TMCC3: variants seen among roughly 807,000 people sequenced by gnomAD.
TMCC3 encodes transmembrane and coiled-coil domain protein 3.
A neutral mutation model predicts 40.2 loss-of-function variants in TMCC3; 28 were observed. The ratio of observed to expected loss-of-function variants is 0.70; its 90% CI spans 0.52 to 0.95. The LOEUF (loss-of-function observed/expected upper bound fraction) is 0.95. TMCC3 is among the 40% of genes least tolerant of loss of function. TMCC3 has a pLI of 0.00. For synonymous variants in TMCC3, 255 were observed against 248.5 expected (o/e 1.03, Z -0.25); for missense variants, 554 against 615.2 (o/e 0.90, Z 1.05).
At chr12:94,587,121 G>C (rs916285117) in intron 1 of TMCC3, among the ~76,000 whole-genome samples, 2 of 152,218 alleles carry the variant, frequency 1.3e-5, no homozygotes, top group African/African-American at 4.8e-5. Flanking sequence ...GTTTAATCCA[G>C]ACTTGGCACT....
rs1373930795 is a variant in TMCC3 at position 94,632,165 on chromosome 12, A to G, written c.78+18188T>C. Among the ~76,000 whole-genome samples, 3 of 152,252 alleles carry G rather than the reference A, an allele frequency of 2.0e-5. No individual in the cohort carries two copies. In the East Asian group the frequency reaches 5.8e-4, roughly 29 times the overall value. On this transcript the variant is annotated intron_variant, in intron 1 of 3. Coordinates refer to ENST00000261226, the MANE Select transcript of TMCC3 (RefSeq NM_020698.4). ...GCTAAGCAGAGAGAAGGCTGACTAT[A>G]AAGAGGCGAAAGAGAACTTTCCGGG...
At chr12:94,636,374 T>C (rs2068960987) in intron 1 of TMCC3, among the ~76,000 whole-genome samples, 1 of 151,544 alleles carries the variant, frequency 6.6e-6, no homozygotes, top group African/African-American at 2.4e-5. Flanking sequence ...GATTTCTTCA[T>C]GGCAAAATAT....
intron 3 of TMCC3, among the ~76,000 whole-genome samples, chr12:94,575,512 G>GT (rs1430179010): frequency 3.3e-5 from 5 of 152,166 alleles, no homozygotes; most frequent in Non-Finnish European, 7.3e-5. Flanking sequence ...TCTAACCAAC[G>GT]TGACAGGGAA....
intron 1 of TMCC3, among the ~76,000 whole-genome samples, chr12:94,602,805 A>C (rs564293068): frequency 1.3e-5 from 2 of 152,216 alleles, no homozygotes; most frequent in East Asian, 3.9e-4. Context: ...CATCCACATA[A>C]TCAAGTTTGA....
At chr12:94,591,528 T>C (rs1454029359) in intron 1 of TMCC3, among the ~76,000 whole-genome samples, 1 of 151,382 alleles carries the variant, frequency 6.6e-6, no homozygotes, top group Non-Finnish European at 1.5e-5. Context: ...GGAGGGGAGA[T>C]TGCTTTAGCC....
At chr12:94,599,844 G>A (rs1031155065) in intron 1 of TMCC3, among the ~76,000 whole-genome samples, 3 of 152,162 alleles carry the variant, frequency 2.0e-5, no homozygotes, top group Non-Finnish European at 4.4e-5. Flanking sequence ...CATATCTAAT[G>A]ATTATAACTT....
At chr12:94,618,618 C>A (rs574483757) in intron 1 of TMCC3, among the ~76,000 whole-genome samples, 13 of 152,128 alleles carry the variant, frequency 8.5e-5, no homozygotes, top group Non-Finnish European at 1.5e-4. Flanking sequence ...CAAGCATGAC[C>A]AGTTTGAGAG....
rs997456589 is a variant in TMCC3 at position 94,574,116 on chromosome 12, C to T, written c.1132-2379G>A. 3.3e-5 allele frequency among the ~76,000 whole-genome samples: 5 copies of T among 152,260 alleles called. No individual in the cohort carries two copies. In the South Asian group the frequency reaches 6.2e-4, roughly 19 times the overall value. On this transcript the variant is annotated intron_variant, in intron 3 of 3. Transcript: ENST00000261226. ...ATGTGAGGCTTGATGGGTACAGTGG[C>T]GCATGCCTGTAATCCCAGCATTCTG...
chr12:94,580,779 C>A (rs2068595879), intron 2 of TMCC3, among the ~76,000 whole-genome samples: 1 of 152,078 alleles, frequency 6.6e-6, no homozygotes, highest in Non-Finnish European at 1.5e-5. Flanking sequence ...ATAAGGACTT[C>A]AAGATTGATG....
intron 1 of TMCC3, among the ~76,000 whole-genome samples, chr12:94,593,099 C>T (rs925397261): frequency 2.6e-5 from 4 of 151,100 alleles, no homozygotes; most frequent in African/African-American, 7.3e-5. Context: ...CGAAAGGCTG[C>T]GGCAGGAGAA....
Position 94,641,918 on chromosome 12 carries a change from A to G in TMCC3, c.78+8435T>C, listed in dbSNP as rs143057266. Among the ~76,000 whole-genome samples, 758 of 151,378 alleles carry G rather than the reference A, an allele frequency of 5.0e-3. 4 individuals carry two copies. The highest frequency in any genetic ancestry group is 8.3e-3 in the Non-Finnish European group (562 of 67,856). Reference sequence around the variant, plus strand: ...GACACTAAGAGGAACCACAAAAAATATATATATATTTATATATATATTAGC... The same window carrying G: ...GACACTAAGAGGAACCACAAAAAATGTATATATATTTATATATATATTAGC... On this transcript the variant is annotated intron_variant, in intron 1 of 3. Coordinates refer to ENST00000261226, the MANE Select transcript of TMCC3 (RefSeq NM_020698.4).
chr12:94,622,608 T>C (rs923173607), intron 1 of TMCC3, among the ~76,000 whole-genome samples: 5 of 152,134 alleles, frequency 3.3e-5, no homozygotes, highest in Admixed American at 6.5e-5. Flanking sequence ...AGGAAACCTT[T>C]CTAGTCCAGG....
intron 1 of TMCC3, among the ~76,000 whole-genome samples, chr12:94,586,376 A>T (rs541175423): frequency 1.4e-4 from 22 of 152,194 alleles, no homozygotes; most frequent in Admixed American, 7.9e-4. Context: ...CAACGACATC[A>T]CCTCCACCTC....
At position 94,584,181 on chromosome 12, in the gene TMCC3, G is replaced by T. The variant is rs576553097; in HGVS notation, c.79-1643C>A. Among the ~76,000 whole-genome samples the T allele has an allele frequency of 7.2e-5, 11 of 152,262 alleles. No homozygotes were observed. In the South Asian group the frequency reaches 2.3e-3, roughly 32 times the overall value. The stretch of plus-strand genomic sequence containing the variant: ...GGTGGGAGGTGATCGAATCATGGGG[G>T]CGGATTTCTCATGAATGGTTTAGCA... On this transcript the variant is annotated intron_variant, in intron 1 of 3. Coordinates refer to ENST00000261226, the MANE Select transcript of TMCC3 (RefSeq NM_020698.4).
rs1196330782 is a variant in TMCC3 at position 94,625,159 on chromosome 12, A to T, written c.78+25194T>A. Among the ~76,000 whole-genome samples, 75 of 146,690 alleles carry T rather than the reference A, an allele frequency of 5.1e-4. 1 individual carries two copies. The East Asian group carries it at 9.1e-3, about 18-fold the overall frequency. Reference sequence around the variant, plus strand: ...CTCCATCTCAAAAAAAAAAAAAAAAATTTTTTTTTTACAGAGGTTTGATTA... The same window carrying T: ...CTCCATCTCAAAAAAAAAAAAAAAATTTTTTTTTTTACAGAGGTTTGATTA... On this transcript the variant is annotated intron_variant, in intron 1 of 3. Coordinates refer to ENST00000261226, the MANE Select transcript of TMCC3 (RefSeq NM_020698.4).
At chr12:94,610,789 A>C (rs2068811693) in intron 1 of TMCC3, among the ~76,000 whole-genome samples, 1 of 152,230 alleles carries the variant, frequency 6.6e-6, no homozygotes, top group African/African-American at 2.4e-5. Context: ...ATCTGTGCTT[A>C]AACGAGGGGT....
intron 1 of TMCC3, among the ~76,000 whole-genome samples, chr12:94,648,339 G>C (rs949576805): frequency 5.3e-5 from 8 of 151,934 alleles, no homozygotes; most frequent in African/African-American, 1.9e-4. Context: ...GTGATTCTCC[G>C]CCTCACCCTC....
At position 94,568,814 on chromosome 12, in the gene TMCC3, TTTAG is replaced by T. The variant is rs576615688; in HGVS notation, c.*2617_*2620del. The T allele has an allele frequency of 1.4e-3, 217 of 152,276 alleles. No individual in the cohort carries two copies. The highest frequency in any genetic ancestry group is 4.8e-3 in the African/African-American group (201 of 41,542). 9.4% of individuals were successfully genotyped at this position (152,276 alleles called of 1,614,324 possible). On this transcript the variant is annotated 3_prime_UTR_variant, in exon 4 of 4. Transcript: ENST00000261226. ...CAAGTGAAAACAAGGTTATTTGACA[TTTAG>T]TGAGAGTCAATGAAAATATGAATTA...
chr12:94,598,556 T>C (rs1357094809), intron 1 of TMCC3: 2 of 984,230 alleles, frequency 2.0e-6, no homozygotes, highest in Non-Finnish European at 2.4e-6. Context: ...CCAAGATACC[T>C]TGCATAATAA....
Sources: gnomAD v4.1 joint callset for allele counts (sites outside exome capture counted in the v4.1 genomes callset) on GRCh38, gnomAD v4.1.1 for gene constraint, MANE v1.5 for transcripts, NCBI Gene and HGNC (gene_info 2026-07-23, HGNC 2026-07-21) for gene names.